Variants in DLGAP1 observed in about 807,000 individuals in gnomAD.
DLGAP1 encodes disks large-associated protein 1.
DLGAP1 carries 11 observed loss-of-function variants against 90.8 expected under a neutral mutation model. The observed-to-expected ratio is 0.12, with a 90% CI of 0.08 to 0.20. DLGAP1 has a LOEUF of 0.20. Among genes scored for constraint, DLGAP1 ranks in the 10% least tolerant of loss-of-function variants. The pLI is 1.00. For missense variants in DLGAP1, 1,050 were observed against 1,333.8 expected, an observed-to-expected ratio of 0.79 and a Z score of 3.31; for synonymous variants, 558 against 540.7, an observed-to-expected ratio of 1.03 and a Z score of -0.44.
At position 3,635,379 on chromosome 18, in the gene DLGAP1, T is replaced by G. The variant is rs567641594; in HGVS notation, c.1592-53131A>C. Among the ~76,000 whole-genome samples, 96 of 149,888 alleles carry G rather than the reference T, an allele frequency of 6.4e-4. 2 individuals carry two copies. The highest frequency in any genetic ancestry group is 1.1e-3 in the Non-Finnish European group (74 of 67,758). ...TCTCGATCTCCTGACCTTGTGATCC[T>G]CCCACCTCCTCGGCCTCCCAAAGTG... On this transcript the variant is annotated intron_variant, in intron 7 of 12. Transcript: ENST00000315677.
Position 4,269,634 on chromosome 18 carries a change from G to T in DLGAP1, c.-266-118347C>A, listed in dbSNP as rs370540202. Reference sequence around the variant, plus strand: ...CTCCCAAAGTGCTGGCATTACAGGCGTGAGCCACCGCGCCCGGCCATATTC... The same window carrying T: ...CTCCCAAAGTGCTGGCATTACAGGCTTGAGCCACCGCGCCCGGCCATATTC... On this transcript the variant is annotated intron_variant, in intron 1 of 12. Transcript: ENST00000315677. Among the ~76,000 whole-genome samples the T allele has an allele frequency of 4.6e-5, 7 of 151,956 alleles. No homozygotes were observed. The South Asian group carries it at 8.3e-4, about 18-fold the overall frequency.
chr18:3,988,365 A>C (rs2073885026), intron 3 of DLGAP1, among the ~76,000 whole-genome samples: 1 of 152,104 alleles, frequency 6.6e-6, no homozygotes, highest in African/African-American at 2.4e-5. Context: ...CCGCTCACTG[A>C]TAGGATTTTG....
At chr18:4,105,986 C>T (rs752321849) in intron 2 of DLGAP1, among the ~76,000 whole-genome samples, 4 of 140,094 alleles carry the variant, frequency 2.9e-5, no homozygotes, top group South Asian at 4.8e-4. Flanking sequence ...GAACCGAGAT[C>T]GCGCCACTGC....
intron 1 of DLGAP1, among the ~76,000 whole-genome samples, chr18:4,199,407 C>T (rs1157604987): frequency 6.6e-6 from 1 of 152,214 alleles, no homozygotes; most frequent in East Asian, 1.9e-4. Context: ...AACATGTCAT[C>T]GTTTAATTGG....
intron 3 of DLGAP1, among the ~76,000 whole-genome samples, chr18:3,950,596 GTGAATGAA>G (rs1009576544): frequency 7.2e-5 from 11 of 152,188 alleles, no homozygotes; most frequent in African/African-American, 2.7e-4. Flanking sequence ...AGTCAAATGA[GTGAATGAA>G]TGAATGAATG....
chr18:3,999,886 C>A (rs1992474), intron 3 of DLGAP1, among the ~76,000 whole-genome samples: 38,194 of 152,132 alleles, frequency 0.25, 4,891 homozygotes, highest in Middle Eastern at 0.34. Flanking sequence ...ATCATAGCTC[C>A]TTGCAACCTC....
chr18:3,715,932 CA>C (rs1364582781), intron 7 of DLGAP1, among the ~76,000 whole-genome samples: 1 of 152,032 alleles, frequency 6.6e-6, no homozygotes, highest in Non-Finnish European at 1.5e-5. Context: ...AAAAGCCCTA[CA>C]AAAATCTACA....
intron 1 of DLGAP1, among the ~76,000 whole-genome samples, chr18:4,303,509 C>G (rs1009160051): frequency 1.3e-5 from 2 of 152,158 alleles, no homozygotes; most frequent in African/African-American, 4.8e-5. Flanking sequence ...GGATGCTAGT[C>G]CCCAAGAACA....
intron 1 of DLGAP1, among the ~76,000 whole-genome samples, chr18:4,388,726 A>G (rs1288154933): frequency 6.6e-6 from 1 of 152,224 alleles, no homozygotes; most frequent in Admixed American, 6.5e-5. Flanking sequence ...ACAGCCAAAG[A>G]CATCTTAACT....
chr18:4,026,015 CA>C (rs1455728976), intron 2 of DLGAP1, among the ~76,000 whole-genome samples: 2 of 152,216 alleles, frequency 1.3e-5, no homozygotes, highest in African/African-American at 4.8e-5. Context: ...AGTGTCAAGA[CA>C]GTCCCCACTC....
chr18:3,497,083 G>A lies in DLGAP1; in HGVS notation c.*2102C>T, dbSNP rs1346275789. 6.6e-6 allele frequency: 1 copy of A among 152,154 alleles called. No individual in the cohort carries two copies. The highest frequency in any genetic ancestry group is 1.5e-5 in the Non-Finnish European group (1 of 68,038). The allele number at this position is 152,154 out of a possible 1,614,324, so 9.4% of individuals were successfully genotyped here. A position where few individuals can be genotyped will look rare whatever the true frequency, so the allele number is the denominator to read the frequency against. On this transcript the variant is annotated 3_prime_UTR_variant, in exon 13 of 13. Coordinates refer to ENST00000315677, the MANE Select transcript of DLGAP1 (RefSeq NM_004746.4). ...CCTCAGGGCACGGAGCTGTAATTGT[G>A]AGCATGGGTCTTGGGATGAACGCTG... is the stretch of plus-strand genomic sequence containing the variant.
Position 4,345,841 on chromosome 18 carries a change from C to T in DLGAP1, c.-267+109165G>A, listed in dbSNP as rs148233954. On this transcript the variant is annotated intron_variant, in intron 1 of 12. Transcript: ENST00000315677. ...AGCAGAAATATTTCAGATCAGGTCA[C>T]GACATCAAATATCACCTGCAAACAG... is the stretch of plus-strand genomic sequence containing the variant. Among the ~76,000 whole-genome samples the T allele has an allele frequency of 7.0e-4, 107 of 152,270 alleles. No homozygotes were observed. In the East Asian group the frequency reaches 0.016, roughly 23 times the overall value.
At chr18:3,931,114 C>T (rs1228176996) in intron 3 of DLGAP1, among the ~76,000 whole-genome samples, 1 of 152,214 alleles carries the variant, frequency 6.6e-6, no homozygotes, top group African/African-American at 2.4e-5. Flanking sequence ...CCTGCCTCCA[C>T]CGGCTCACTC....
At chr18:4,239,240 A>G (rs1004897002) in intron 1 of DLGAP1, among the ~76,000 whole-genome samples, 1 of 152,222 alleles carries the variant, frequency 6.6e-6, no homozygotes, top group Non-Finnish European at 1.5e-5. Context: ...TTACAATGTC[A>G]TCAAGCATGA....
At chr18:3,926,920 G>T (rs985880825) in intron 3 of DLGAP1, among the ~76,000 whole-genome samples, 4 of 152,076 alleles carry the variant, frequency 2.6e-5, no homozygotes, top group African/African-American at 9.7e-5. Context: ...AGTAAGAAAA[G>T]CTCAAAAAAT....
At chr18:4,379,818 G>C (rs1445208022) in intron 1 of DLGAP1, among the ~76,000 whole-genome samples, 1 of 152,078 alleles carries the variant, frequency 6.6e-6, no homozygotes, top group Admixed American at 6.6e-5. Context: ...AAGTAATTAA[G>C]TATAGATTCT....
At chr18:3,721,244 A>AT (rs987905583) in intron 7 of DLGAP1, among the ~76,000 whole-genome samples, 4 of 152,120 alleles carry the variant, frequency 2.6e-5, no homozygotes, top group African/African-American at 9.7e-5. Flanking sequence ...TTAGTTTAGT[A>AT]TTTTTTTACT....
At chr18:3,673,187 C>T (rs1313732156) in intron 7 of DLGAP1, among the ~76,000 whole-genome samples, 2 of 152,100 alleles carry the variant, frequency 1.3e-5, no homozygotes, top group Non-Finnish European at 2.9e-5. Flanking sequence ...GCCTGGGGAG[C>T]CCCTCCCCAG....
intron 3 of DLGAP1, among the ~76,000 whole-genome samples, chr18:3,898,087 C>A (rs2071694188): frequency 6.6e-6 from 1 of 152,204 alleles, no homozygotes; most frequent in African/African-American, 2.4e-5. Flanking sequence ...AGCCACTGCG[C>A]CCGGCCGAAT....
Sources: gnomAD v4.1 joint callset for allele counts (sites outside exome capture counted in the v4.1 genomes callset) on GRCh38, gnomAD v4.1.1 for gene constraint, MANE v1.5 for transcripts, NCBI Gene and HGNC (gene_info 2026-07-23, HGNC 2026-07-21) for gene names.